Variants in CLIP2 observed in about 807,000 individuals in gnomAD.
The protein encoded by CLIP2 is CAP-Gly domain-containing linker protein 2.
Under a neutral mutation model 111.7 loss-of-function variants are expected in CLIP2, and 41 were observed. The ratio of observed to expected loss-of-function variants is 0.37; its 90% CI spans 0.29 to 0.48. The LOEUF (loss-of-function observed/expected upper bound fraction) is 0.48, where lower values mean the gene tolerates loss of function less well. CLIP2 is among the 20% of genes least tolerant of loss of function. The probability of loss-of-function intolerance (pLI) is 0.99; values close to 1 mark genes in which losing one functional copy is unlikely to be tolerated. For missense variants in CLIP2, 1,160 were observed against 1,422.1 expected (o/e 0.82, Z 2.96); for synonymous variants, 660 against 644.2 (o/e 1.02, Z -0.37).
intron 13 of CLIP2, among the ~76,000 whole-genome samples, chr7:74,396,293 G>A (rs1554316684): frequency 2.0e-5 from 3 of 152,094 alleles, no homozygotes; most frequent in East Asian, 1.9e-4. Flanking sequence ...CAGGGGTGGT[G>A]GCTCAAACTT....
intron 3 of CLIP2, among the ~76,000 whole-genome samples, chr7:74,351,372 G>T (rs1184411846): frequency 7.0e-6 from 1 of 143,758 alleles, no homozygotes; most frequent in East Asian, 2.1e-4. Flanking sequence ...AGGATCGCTT[G>T]TCCAGGAGGC....
intron 1 of CLIP2, among the ~76,000 whole-genome samples, chr7:74,297,162 G>A (rs1788193510): frequency 6.6e-6 from 1 of 152,084 alleles, no homozygotes; most frequent in South Asian, 2.1e-4. Context: ...GAGCCTCTAA[G>A]GGCAGCTGTC....
At chr7:74,330,319 C>A (rs1564043247) in intron 2 of CLIP2, among the ~76,000 whole-genome samples, 1 of 149,910 alleles carries the variant, frequency 6.7e-6, no homozygotes, top group Non-Finnish European at 1.5e-5. Flanking sequence ...TGCAGTGGCG[C>A]AATCTCGGCT....
chr7:74,351,405 C>T (rs765461345), intron 3 of CLIP2, among the ~76,000 whole-genome samples: 2 of 131,730 alleles, frequency 1.5e-5, no homozygotes, highest in African/African-American at 6.1e-5. Context: ...GAGCCGAGAT[C>T]ACGCCACTGC....
Position 74,372,944 on chromosome 7 carries a change from C to G in CLIP2, c.1393C>G (p.Leu465Val). The G allele has an allele frequency of 6.3e-7, 1 of 1,578,182 alleles. No homozygotes were observed. Among genetic ancestry groups the G allele is most frequent in the East Asian group, 2.3e-5 (1 of 43,296 alleles). The change falls in exon 9 of 17, where the codon CTG becomes GTG. Residue 465 changes from leucine to valine, a missense_variant. Around this residue, in one of 5 missense-constraint regions of CLIP2, gnomAD observed 676 missense variants for 777.8 expected, o/e 0.87. Coordinates refer to ENST00000223398, the MANE Select transcript of CLIP2 (RefSeq NM_003388.5). ...CTGGGTGGACCAGACCCAGACGCAG[C>G]TGGAGCACGCGCGCATTGGGGAGCT... ...TKGDLETQTQ[L>V]EHARIGELEQ...
Position 74,328,911 on chromosome 7 carries a change from T to TTA in CLIP2, c.122-9523_122-9522dup, listed in dbSNP as rs782029254. ...GCCCTGCTAATTTTTGTATTATTAT[T>TTA]TATATATATATATATTTTTGAGACA... On this transcript the variant is annotated intron_variant, in intron 2 of 16. Transcript: ENST00000223398. 9.5e-4 allele frequency among the ~76,000 whole-genome samples: 142 copies of TTA among 149,142 alleles called. No homozygotes were observed. The Middle Eastern group carries it at 0.01, about 11-fold the overall frequency.
chr7:74,382,983 G>A (rs1033779274), intron 11 of CLIP2, among the ~76,000 whole-genome samples: 1 of 151,436 alleles, frequency 6.6e-6, no homozygotes, highest in Non-Finnish European at 1.5e-5. Flanking sequence ...GGGAAGGTGA[G>A]GCGGGAGGAT....
chr7:74,320,636 G>C (rs782101256), intron 2 of CLIP2, among the ~76,000 whole-genome samples: 1 of 152,190 alleles, frequency 6.6e-6, no homozygotes, highest in Non-Finnish European at 1.5e-5. Flanking sequence ...GTAGGGTTAA[G>C]AGCCAGGTGG....
In CLIP2 at chr7:74,338,517, C is replaced by T. The variant is rs1554732593; in HGVS notation, c.191C>T (p.Pro64Leu). ...SPAAAAAPEK[P>L]GPKAAEVGDD... ...GCCGCAGCTGCTGCCCCCGAGAAGC[C>T]GGGCCCCAAGGCGGCGGAAGTGGGG... Residue 64 changes from proline to leucine, a missense_variant, in exon 3 of 17, where the codon CCG (proline) becomes CTG (leucine). Around this residue, in one of 5 missense-constraint regions of CLIP2, gnomAD observed 301 missense variants for 315.2 expected, o/e 0.96. Transcript: ENST00000223398. This position sits in a 1 kb window ranked among gnomAD's most constrained non-coding sequence, Gnocchi z 4.3. The T allele has an allele frequency of 3.7e-6, 6 of 1,609,956 alleles. No individual in the cohort carries two copies. Among genetic ancestry groups the T allele is most frequent in the African/African-American group, 1.3e-5 (1 of 74,804 alleles).
intron 11 of CLIP2, among the ~76,000 whole-genome samples, chr7:74,384,536 C>T (rs896922181): frequency 6.7e-5 from 10 of 148,876 alleles, no homozygotes; most frequent in Admixed American, 2.0e-4. Context: ...ACCTCCGCCT[C>T]CCAGGTTCAA....
chr7:74,308,316 G>A (rs1409392081), intron 1 of CLIP2, among the ~76,000 whole-genome samples: 1 of 152,134 alleles, frequency 6.6e-6, no homozygotes, highest in East Asian at 1.9e-4. Flanking sequence ...CCTCAGAGGG[G>A]ATGCTGGCTG....
chr7:74,342,116 C>G (rs1789672098), intron 3 of CLIP2, among the ~76,000 whole-genome samples: 1 of 152,160 alleles, frequency 6.6e-6, no homozygotes, highest in Non-Finnish European at 1.5e-5. Flanking sequence ...TGGTTCACAC[C>G]TGTAATCCCA....
In CLIP2 at chr7:74,338,406, C is replaced by T. The variant is rs782401496; in HGVS notation, c.122-42C>T. 4.4e-6 allele frequency: 7 copies of T among 1,596,314 alleles called. No homozygotes were observed. In the African/African-American group the frequency reaches 9.4e-5, roughly 21 times the overall value. On this transcript the variant is annotated intron_variant, in intron 2 of 16. Transcript: ENST00000223398. This position sits in a 1 kb window ranked among gnomAD's most constrained non-coding sequence, Gnocchi z 4.3. ...CTCCTGGGGCCACCCAGGGGCCAGC[C>T]CTAACAGCCACCTCTTTCCCTTTCC... is the stretch of plus-strand genomic sequence containing the variant.
chr7:74,343,523 T>G (rs1554305759), intron 3 of CLIP2, among the ~76,000 whole-genome samples: 1 of 151,950 alleles, frequency 6.6e-6, no homozygotes, highest in Non-Finnish European at 1.5e-5. Context: ...TCATTCATTC[T>G]CCATGTGTCT....
At chr7:74,391,005 C>T (rs1451481333) in intron 13 of CLIP2, among the ~76,000 whole-genome samples, 2 of 151,536 alleles carry the variant, frequency 1.3e-5, no homozygotes, top group African/African-American at 4.9e-5. Flanking sequence ...GCCGAGATTG[C>T]GCCACTACAC....
rs782055620 is a variant in CLIP2 at position 74,338,862 on chromosome 7, C to T, written c.536C>T (p.Pro179Leu). ...LSLHSGTATP[P>L]LTSRVIPLRE... is the part of the protein sequence containing the mutation. Reference sequence around the variant, plus strand: ...TTGCATTCGGGCACGGCCACGCCCCCGCTGACCAGCCGCGTCATCCCCCTG... The same window carrying T: ...TTGCATTCGGGCACGGCCACGCCCCTGCTGACCAGCCGCGTCATCCCCCTG... The change falls in exon 3 of 17, where the codon CCG (proline) becomes CTG (leucine). Residue 179 changes from proline (P) to leucine (L), a missense_variant. Around this residue, in one of 5 missense-constraint regions of CLIP2, gnomAD observed 301 missense variants for 315.2 expected, o/e 0.96. Coordinates refer to ENST00000223398, the MANE Select transcript of CLIP2 (RefSeq NM_003388.5). The surrounding 1 kb of genome is among the most constrained non-coding windows in gnomAD (Gnocchi z 4.3). 2.2e-5 allele frequency: 36 copies of T among 1,608,660 alleles called. No individual in the cohort carries two copies. The highest frequency in any genetic ancestry group is 3.1e-5 in the Non-Finnish European group (36 of 1,179,922).
At chr7:74,360,990 C>A (rs1554309598) in intron 7 of CLIP2, among the ~76,000 whole-genome samples, 1 of 152,078 alleles carries the variant, frequency 6.6e-6, no homozygotes. Context: ...AGGAAGAAGG[C>A]TGAATGCCCC....
intron 1 of CLIP2, among the ~76,000 whole-genome samples, chr7:74,306,472 C>T (rs1788490791): frequency 6.6e-6 from 1 of 152,184 alleles, no homozygotes; most frequent in Non-Finnish European, 1.5e-5. Context: ...TGGCTCCTGC[C>T]TCCCTCGCCC....
At chr7:74,388,907 A>T in intron 12 of CLIP2, 196 bp from the exon 13 acceptor site, 1 of 523,022 alleles carries the variant, frequency 1.9e-6, no homozygotes. Flanking sequence ...AATGAGCTAT[A>T]ATTGTGCCAC....
Sources: allele counts gnomAD v4.1 joint callset (sites outside exome capture counted in the v4.1 genomes callset), GRCh38; gene constraint gnomAD v4.1.1; regional missense constraint gnomAD v4.1.1; non-coding constraint Gnocchi (gnomAD v3.1); transcripts MANE v1.5; gene names NCBI Gene and HGNC (gene_info 2026-07-23, HGNC 2026-07-21).